Variants in RAB3GAP2 observed in about 807,000 individuals in gnomAD.
The protein encoded by RAB3GAP2 is RAB3 GTPase activating non-catalytic protein subunit 2, also known as rab3 GTPase-activating protein non-catalytic subunit.
In RAB3GAP2, 87 loss-of-function variants were observed where a neutral mutation model predicts 185.3. The observed-to-expected ratio is 0.47, with a 90% CI of 0.39 to 0.56. RAB3GAP2 has a LOEUF of 0.56. Ranked by LOEUF, RAB3GAP2 falls within the 20% of genes least tolerant of loss-of-function variation. The pLI is 0.00. For missense variants in RAB3GAP2, 1,492 were observed against 1,638.2 expected, an observed-to-expected ratio of 0.91 and a Z score of 1.54; for synonymous variants, 554 against 576.1, an observed-to-expected ratio of 0.96 and a Z score of 0.55.
intron 31 of RAB3GAP2, among the ~76,000 whole-genome samples, chr1:220,156,053 C>T (rs1297472642): frequency 3.3e-5 from 5 of 151,708 alleles, no homozygotes; most frequent in East Asian, 1.9e-4. Flanking sequence ...CAGGTTCAAG[C>T]GATTATCCTG....
chr1:220,193,083 C>T (rs1007394502), intron 13 of RAB3GAP2, among the ~76,000 whole-genome samples, 157 bp downstream of exon 13: 9 of 152,052 alleles, frequency 5.9e-5, no homozygotes, highest in Non-Finnish European at 1.2e-4. Flanking sequence ...GACTACTGGA[C>T]CAAGTGGTTG....
intron 10 of RAB3GAP2, 145 bp downstream of exon 10, chr1:220,196,105 A>T: frequency 1.2e-6 from 1 of 863,888 alleles, no homozygotes; most frequent in Non-Finnish European, 1.8e-6. Flanking sequence ...GAAGAAAGCT[A>T]GTTGAGATTA....
intron 1 of RAB3GAP2, among the ~76,000 whole-genome samples, chr1:220,239,950 C>A (rs1659658982): frequency 6.7e-6 from 1 of 148,946 alleles, no homozygotes. Flanking sequence ...TTATAAAAGC[C>A]ATTGAGTTCC....
At chr1:220,175,357 T>TAC (rs1398053292) in intron 21 of RAB3GAP2, among the ~76,000 whole-genome samples, 1 of 152,116 alleles carries the variant, frequency 6.6e-6, no homozygotes, top group Non-Finnish European at 1.5e-5. Flanking sequence ...TAGCTTGGAC[T>TAC]ACAGGCGCGA....
chr1:220,175,759 A>G (rs1658277052), intron 21 of RAB3GAP2, among the ~76,000 whole-genome samples: 1 of 152,220 alleles, frequency 6.6e-6, no homozygotes, highest in Non-Finnish European at 1.5e-5. Context: ...ATTCTGAAAC[A>G]AACAAAAAAC....
rs1258241294 is a variant in RAB3GAP2, at chr1:220,158,947, T to C, written c.3261+439A>G. 6.6e-6 allele frequency among the ~76,000 whole-genome samples: 1 copy of C among 152,166 alleles called. No individual in the cohort carries two copies. Among genetic ancestry groups the C allele is most frequent in the Non-Finnish European group, 1.5e-5 (1 of 68,020 alleles). On this transcript the variant is annotated intron_variant, in intron 29 of 34. Coordinates refer to ENST00000358951, the MANE Select transcript of RAB3GAP2 (RefSeq NM_012414.4). This position sits in a 1 kb window ranked among gnomAD's most constrained non-coding sequence, Gnocchi z 4.3. ...TTTCTTGGGTCAAATACAAGTCCCA[T>C]ATCCATGGATTAGAATATTAGTTAA...
At chr1:220,164,445 G>GTTTTT (rs71169436) in intron 27 of RAB3GAP2, among the ~76,000 whole-genome samples, 1 of 118,940 alleles carries the variant, frequency 8.4e-6, no homozygotes, top group Admixed American at 8.3e-5. Flanking sequence ...GGCCAGTACT[G>GTTTTT]TTTTTTTTTT....
At chr1:220,175,608 T>C (rs950050412) in intron 21 of RAB3GAP2, among the ~76,000 whole-genome samples, 2 of 152,188 alleles carry the variant, frequency 1.3e-5, no homozygotes, top group African/African-American at 4.8e-5. Context: ...AAAATGCTCA[T>C]CAAAATTGGC....
intron 2 of RAB3GAP2, chr1:220,219,605 C>T (rs1447050955): frequency 6.6e-6 from 1 of 152,210 alleles, no homozygotes; most frequent in Non-Finnish European, 1.5e-5. Flanking sequence ...CTGTACAACA[C>T]TGCCACAGTA....
chr1:220,231,281 G>A (rs903171664), intron 2 of RAB3GAP2, among the ~76,000 whole-genome samples: 10 of 152,128 alleles, frequency 6.6e-5, no homozygotes, highest in Non-Finnish European at 1.5e-4. Context: ...ATGAGCTGCT[G>A]CCCTGGCCTA....
intron 21 of RAB3GAP2, among the ~76,000 whole-genome samples, chr1:220,181,586 C>T (rs557421121): frequency 6.6e-6 from 1 of 152,008 alleles, no homozygotes; most frequent in African/African-American, 2.4e-5. Context: ...TGTTTGGTAA[C>T]AATTCCACAT....
chr1:220,249,197 A>T (rs1558170222), intron 1 of RAB3GAP2, among the ~76,000 whole-genome samples: 1 of 152,204 alleles, frequency 6.6e-6, no homozygotes, highest in Non-Finnish European at 1.5e-5. Context: ...GGAACTTTCT[A>T]GAGACTTGGG....
At chr1:220,267,901 C>T (rs959911127) in intron 1 of RAB3GAP2, 13 of 770,296 alleles carry the variant, frequency 1.7e-5, no homozygotes, top group Non-Finnish European at 2.6e-5. Flanking sequence ...ATGCAGTTTT[C>T]TTCAGATTGG....
At chr1:220,194,060 A>G (rs941797046) in intron 12 of RAB3GAP2, among the ~76,000 whole-genome samples, 2 of 151,796 alleles carry the variant, frequency 1.3e-5, no homozygotes, top group African/African-American at 4.8e-5. Flanking sequence ...TAAAAAGATG[A>G]AAAAAAACTT....
chr1:220,156,853 A>T (rs1364256076), intron 31 of RAB3GAP2, among the ~76,000 whole-genome samples: 1 of 152,180 alleles, frequency 6.6e-6, no homozygotes, highest in Non-Finnish European at 1.5e-5. Flanking sequence ...GGGAATTCAG[A>T]AGGAACAGCA....
chr1:220,214,946 T>TTATG (rs1659159281), intron 2 of RAB3GAP2, among the ~76,000 whole-genome samples: 1 of 89,620 alleles, frequency 1.1e-5, no homozygotes. Context: ...AATAGTAGCA[T>TTATG]TATATATATA....
chr1:220,244,441 G>C (rs957616680), intron 1 of RAB3GAP2, among the ~76,000 whole-genome samples: 1 of 152,164 alleles, frequency 6.6e-6, no homozygotes, highest in Non-Finnish European at 1.5e-5. Flanking sequence ...CCATGCTCAT[G>C]GACGGGAAGA....
intron 1 of RAB3GAP2, among the ~76,000 whole-genome samples, chr1:220,255,568 A>C (rs1399959542): frequency 6.6e-6 from 1 of 152,224 alleles, no homozygotes; most frequent in Non-Finnish European, 1.5e-5. Flanking sequence ...CACAACAGCC[A>C]GTTTAGAGAG....
At chr1:220,202,222 C>T (rs906294591) in intron 9 of RAB3GAP2, 54 bp downstream of exon 9, 1 of 1,565,382 alleles carries the variant, frequency 6.4e-7, no homozygotes, top group African/African-American at 1.4e-5. Context: ...TGAGATACTT[C>T]AATAAAAAGT....
Sources: allele counts gnomAD v4.1 joint callset (sites outside exome capture counted in the v4.1 genomes callset), GRCh38; gene constraint gnomAD v4.1.1; non-coding constraint Gnocchi (gnomAD v3.1); transcripts MANE v1.5; gene names NCBI Gene and HGNC (gene_info 2026-07-23, HGNC 2026-07-21).